Variants in FBXO47 observed in about 807,000 individuals in gnomAD.
FBXO47 encodes F-box only protein 47.
In FBXO47, 34 loss-of-function variants were observed where a neutral mutation model predicts 53.9. That is an observed-to-expected ratio of 0.63 (90% CI 0.48 to 0.84). The LOEUF (loss-of-function observed/expected upper bound fraction) is 0.84, where lower values mean the gene tolerates loss of function less well. Among genes scored for constraint, FBXO47 ranks in the 40% least tolerant of loss-of-function variants. The pLI is 0.00. For synonymous variants in FBXO47, 165 were observed against 181.6 expected (o/e 0.91, Z 0.73); for missense variants, 485 against 541.3 (o/e 0.90, Z 1.03).
intron 1 of FBXO47, among the ~76,000 whole-genome samples, chr17:38,963,776 TTTGTTG>T (rs949119554): frequency 2.6e-5 from 4 of 150,984 alleles, no homozygotes; most frequent in East Asian, 2.0e-4. Flanking sequence ...TTTGTTGGTT[TTTGTTG>T]TTGTTGTTGT....
At chr17:38,954,303 A>C (rs1451332120) in intron 5 of FBXO47, among the ~76,000 whole-genome samples, 1 of 151,962 alleles carries the variant, frequency 6.6e-6, no homozygotes, top group Non-Finnish European at 1.5e-5. Flanking sequence ...GTCTCAAAAA[A>C]TAAATAAATA....
chr17:38,954,263 A>C (rs1226184956), intron 5 of FBXO47, among the ~76,000 whole-genome samples: 2 of 152,060 alleles, frequency 1.3e-5, no homozygotes, highest in Non-Finnish European at 2.9e-5. Context: ...ATGCCATTGC[A>C]CTCCAGCCTG....
intron 7 of FBXO47, among the ~76,000 whole-genome samples, chr17:38,944,407 A>C (rs1280689316): frequency 6.6e-6 from 1 of 151,660 alleles, no homozygotes; most frequent in Non-Finnish European, 1.5e-5. Flanking sequence ...TCTTTACTAA[A>C]AATACAAAAA....
chr17:38,939,293 C>CAAAAAA (rs1218321299), intron 9 of FBXO47, among the ~76,000 whole-genome samples: 20 of 34,866 alleles, frequency 5.7e-4, no homozygotes, highest in Non-Finnish European at 6.1e-4. Context: ...ACTCCATCTC[C>CAAAAAA]AAAAAAAAAA....
intron 6 of FBXO47, among the ~76,000 whole-genome samples, chr17:38,947,085 T>TATATAAAC (rs1904976797): frequency 3.5e-5 from 4 of 113,930 alleles, no homozygotes; most frequent in African/African-American, 6.5e-5. Flanking sequence ...TATATAAACA[T>TATATAAAC]ATATATAAAC....
chr17:38,950,104 C>A (rs11653969), intron 6 of FBXO47, among the ~76,000 whole-genome samples: 9,036 of 152,052 alleles, frequency 0.059, 407 homozygotes, highest in Non-Finnish European at 0.092. Context: ...GTTGTTCAAC[C>A]ACCACACTAT....
Position 38,937,577 on chromosome 17 carries a change from A to G in FBXO47, c.1244-287T>C, listed in dbSNP as rs1305878338. Among the ~76,000 whole-genome samples the G allele has an allele frequency of 5.9e-5, 9 of 151,986 alleles. No homozygotes were observed. The East Asian group carries it at 1.7e-3, about 30-fold the overall frequency. On this transcript the variant is annotated intron_variant, in intron 10 of 10. Coordinates refer to ENST00000378079, the MANE Select transcript of FBXO47 (RefSeq NM_001008777.3). The stretch of plus-strand genomic sequence containing the variant: ...TCTCCATGTTGGCCAGGCTGGTTTC[A>G]AACTCCTGACCTCAGGTGATCCACC...
At chr17:38,939,753 C>T (rs887894908) in intron 9 of FBXO47, among the ~76,000 whole-genome samples, 2 of 147,958 alleles carry the variant, frequency 1.4e-5, no homozygotes, top group Admixed American at 6.7e-5. Flanking sequence ...CTGCAAGCTC[C>T]GCTTCCCGGG....
chr17:38,957,378 T>C, intron 3 of FBXO47, 125 bp from the exon 4 acceptor site: 1 of 621,268 alleles, frequency 1.6e-6, no homozygotes, highest in South Asian at 2.5e-5. Context: ...GTTGATATGA[T>C]TTCTAAGAGA....
intron 5 of FBXO47, among the ~76,000 whole-genome samples, chr17:38,954,627 A>C (rs552277876): frequency 1.3e-5 from 2 of 152,262 alleles, no homozygotes; most frequent in East Asian, 3.9e-4. Context: ...AGCATATAGA[A>C]TGGTTTGGGG....
At chr17:38,947,097 T>C (rs1904979575) in intron 6 of FBXO47, among the ~76,000 whole-genome samples, 1 of 93,778 alleles carries the variant, frequency 1.1e-5, no homozygotes, top group Admixed American at 1.1e-4. Flanking sequence ...TATATAAACA[T>C]ATATATAAAC....
At position 38,945,105 on chromosome 17, in the gene FBXO47, T is replaced by G; in HGVS notation, c.648A>C (p.Arg216Ser). Residue 216 changes from arginine (R) to serine (S), a missense_variant, in exon 7 of 11, where the codon AGA becomes AGC. Transcript: ENST00000378079. ...CAAGGAGGACATTCCTACAGAAGAG[T>G]CTGATTCTTAACTCCAGTTTTTGGG... Reference protein sequence around the residue: ...GSAQKLELRIRLFCRNVLLDH... With the variant: ...GSAQKLELRISLFCRNVLLDH... The G allele has an allele frequency of 6.2e-7, 1 of 1,613,230 alleles. No individual in the cohort carries two copies. Among genetic ancestry groups the G allele is most frequent in the African/African-American group, 1.3e-5 (1 of 74,960 alleles).
Position 38,954,228 on chromosome 17 carries a change from G to A in FBXO47, c.507+628C>T, listed in dbSNP as rs542286907. 1.9e-4 allele frequency among the ~76,000 whole-genome samples: 29 copies of A among 152,028 alleles called. No homozygotes were observed. The South Asian group carries it at 2.9e-3, about 15-fold the overall frequency. ...CAGGAGAATCGCTTGAACTTAGGAG[G>A]TGGAGGTTGCAGTGAGCCGAGATCA... On this transcript the variant is annotated intron_variant, in intron 5 of 10. Transcript: ENST00000378079.
chr17:38,957,198 GTATTT>G lies in FBXO47; in HGVS notation c.403_407del (p.Lys135HisfsTer12), dbSNP rs1215904018. Reference sequence around the variant, plus strand: ...TTACTTCTGTGAGTATCTTGTGAATGTATTTTAGCCTTTCCTTGGTGGGTAGCAGC... The same window carrying G: ...TTACTTCTGTGAGTATCTTGTGAATGTAGCCTTTCCTTGGTGGGTAGCAGC... On this transcript the variant is annotated frameshift_variant, in exon 4 of 11. Coordinates refer to ENST00000378079, the MANE Select transcript of FBXO47 (RefSeq NM_001008777.3). LOFTEE classifies it high-confidence loss of function. The G allele has an allele frequency of 6.2e-7, 1 of 1,608,108 alleles. No individual in the cohort carries two copies. Among genetic ancestry groups the G allele is most frequent in the Non-Finnish European group, 8.5e-7 (1 of 1,175,234 alleles).
rs1905838452 is a variant in FBXO47 at position 38,962,057 on chromosome 17, G to T, written c.182-10C>A. The T allele has an allele frequency of 1.9e-6, 3 of 1,607,472 alleles. No homozygotes were observed. The highest frequency in any genetic ancestry group is 2.5e-6 in the Non-Finnish European group (3 of 1,177,522). ...ATGCTGATATCCTTCACTACCAAAA[G>T]AAATATATATGTGTATGTATCAATG... is the stretch of plus-strand genomic sequence containing the variant. On this transcript the variant is annotated splice_polypyrimidine_tract_variant and intron_variant, in intron 2 of 10. Transcript: ENST00000378079.
chr17:38,953,246 G>A (rs971035440), intron 5 of FBXO47, among the ~76,000 whole-genome samples: 1 of 151,902 alleles, frequency 6.6e-6, no homozygotes, highest in Non-Finnish European at 1.5e-5. Context: ...TTGAACCCGG[G>A]AGGCCGAGGT....
chr17:38,961,489 A>G (rs1202090348), intron 3 of FBXO47, among the ~76,000 whole-genome samples: 1 of 152,200 alleles, frequency 6.6e-6, no homozygotes, highest in East Asian at 1.9e-4. Context: ...AGTCTTCCAT[A>G]ATAATGTGTT....
At chr17:38,955,361 C>T (rs1367165455) in intron 4 of FBXO47, among the ~76,000 whole-genome samples, 1 of 147,814 alleles carries the variant, frequency 6.8e-6, no homozygotes. Flanking sequence ...GCACTCCAGC[C>T]TGGGTGACAG....
chr17:38,958,877 A>G (rs1905682361), intron 3 of FBXO47, among the ~76,000 whole-genome samples: 1 of 152,152 alleles, frequency 6.6e-6, no homozygotes, highest in African/African-American at 2.4e-5. Flanking sequence ...GGGAAAAAAA[A>G]GACATTTTTC....
Sources: gnomAD v4.1 joint callset for allele counts (sites outside exome capture counted in the v4.1 genomes callset) on GRCh38, gnomAD v4.1.1 for gene constraint, MANE v1.5 for transcripts, NCBI Gene and HGNC (gene_info 2026-07-23, HGNC 2026-07-21) for gene names.